The following SEM1 variants were observed in gnomAD, a reference collection of about 807,000 sequenced individuals.
The protein encoded by SEM1 is 26S proteasome complex subunit SEM1.
SEM1 carries 3 observed loss-of-function variants against 12.7 expected under a neutral mutation model. The observed-to-expected ratio is 0.24, with a 90% CI of 0.11 to 0.61. The LOEUF (loss-of-function observed/expected upper bound fraction) is 0.61. SEM1 is among the 20% of genes least tolerant of loss of function. SEM1 has a pLI of 0.88. For synonymous variants in SEM1, 30 were observed against 27.8 expected (o/e 1.08, Z -0.25); for missense variants, 59 against 81.3 (o/e 0.73, Z 1.06).
chr7:96,671,400 A>G (rs1013841544), downstream of SEM1, among the ~76,000 whole-genome samples: 1 of 152,168 alleles, frequency 6.6e-6, no homozygotes, highest in Non-Finnish European at 1.5e-5. Flanking sequence ...TTTAACTGAC[A>G]TTTATGAAGA....
chr7:96,539,017 T>G (rs1487403968), intron 2 of SEM1, among the ~76,000 whole-genome samples: 1 of 151,840 alleles, frequency 6.6e-6, no homozygotes, highest in East Asian at 1.9e-4. Context: ...GACTGTGGTT[T>G]CCTTCATGTT....
At chr7:96,556,191 T>C (rs1805490949) in intron 2 of SEM1, among the ~76,000 whole-genome samples, 1 of 151,986 alleles carries the variant, frequency 6.6e-6, no homozygotes, top group South Asian at 2.1e-4. Flanking sequence ...TCCATTTACA[T>C]TTAAAGTTAA....
intron 2 of SEM1, among the ~76,000 whole-genome samples, chr7:96,638,437 T>C (rs1808494860): frequency 6.6e-6 from 1 of 152,056 alleles, no homozygotes; most frequent in Non-Finnish European, 1.5e-5. Flanking sequence ...GGGCAATCTT[T>C]GCTTTTTAAA....
At chr7:96,553,468 T>G (rs550437020) in intron 2 of SEM1, among the ~76,000 whole-genome samples, 1,753 of 150,176 alleles carry the variant, frequency 0.012, 38 homozygotes, top group African/African-American at 0.04. Flanking sequence ...TCCCCATTGC[T>G]TGTTTTTCTC....
intron 2 of SEM1, among the ~76,000 whole-genome samples, chr7:96,667,914 C>T (rs531034295): frequency 6.6e-6 from 1 of 152,328 alleles, no homozygotes; most frequent in African/African-American, 2.4e-5. Context: ...TCTTTATCTG[C>T]CATGTCTCTA....
intron 2 of SEM1, among the ~76,000 whole-genome samples, chr7:96,595,793 C>G (rs1186439534): frequency 6.6e-6 from 1 of 152,040 alleles, no homozygotes; most frequent in Non-Finnish European, 1.5e-5. Flanking sequence ...AGACTTTCCC[C>G]CTAACTTGTA....
At position 96,486,331 on chromosome 7, in the gene SEM1, T is replaced by C. The variant is rs370269404; in HGVS notation, c.99A>G (p.Ile33Met). 34 of 1,537,006 alleles carry C rather than the reference T, an allele frequency of 2.2e-5. No homozygotes were observed. The African/African-American group carries it at 4.5e-4, about 20-fold the overall frequency. The change falls in exon 2 of 4, where the codon ATA becomes ATG. Residue 33 changes from isoleucine (I) to methionine (M), a missense_variant. Coordinates refer to the SEM1 transcript ENST00000356686. ...CTCTGGCCCGCTGAGCTGGGCTTCT[T>C]ATGCTGGGTCTCCTCCCCCTTTTTA... is the stretch of plus-strand genomic sequence containing the variant.
At chr7:96,512,892 A>T (rs557394888) in intron 2 of SEM1, among the ~76,000 whole-genome samples, 15 of 152,148 alleles carry the variant, frequency 9.9e-5, no homozygotes, top group Non-Finnish European at 1.9e-4. Context: ...GGAGGCAAAG[A>T]AGTTGATGTA....
intron 2 of SEM1, among the ~76,000 whole-genome samples, chr7:96,665,003 C>T (rs907956589): frequency 6.6e-6 from 1 of 152,162 alleles, no homozygotes; most frequent in Non-Finnish European, 1.5e-5. Flanking sequence ...CAACCCACTT[C>T]CCCTTTAGTT....
At chr7:96,596,593 C>T (rs141723755) in intron 2 of SEM1, among the ~76,000 whole-genome samples, 2 of 152,200 alleles carry the variant, frequency 1.3e-5, no homozygotes, top group East Asian at 3.9e-4. Context: ...AAGTGGTTAC[C>T]CGACTTAAAA....
chr7:96,613,796 T>C (rs1418989199), intron 2 of SEM1, among the ~76,000 whole-genome samples: 1 of 152,278 alleles, frequency 6.6e-6, no homozygotes, highest in Non-Finnish European at 1.5e-5. Flanking sequence ...TGTCATACAC[T>C]ATTTGTCTCA....
chr7:96,671,279 A>G (rs1789309743), downstream of SEM1, among the ~76,000 whole-genome samples: 1 of 152,136 alleles, frequency 6.6e-6, no homozygotes, highest in Non-Finnish European at 1.5e-5. Context: ...TTTTGGTGAC[A>G]TTTTTTCAGT....
intron 2 of SEM1, among the ~76,000 whole-genome samples, chr7:96,584,739 C>T (rs1333181719): frequency 6.6e-6 from 1 of 152,096 alleles, no homozygotes; most frequent in Non-Finnish European, 1.5e-5. Flanking sequence ...CGGTGATACC[C>T]TTTCTTCCAG....
At chr7:96,669,593 T>C (rs954663327), downstream of SEM1, among the ~76,000 whole-genome samples, 7 of 152,180 alleles carry the variant, frequency 4.6e-5, no homozygotes, top group Non-Finnish European at 7.3e-5. Flanking sequence ...GCTGATAACA[T>C]AAAGTTGGCC....
At chr7:96,707,700 T>A (rs1790512373) in intron 1 of SEM1, among the ~76,000 whole-genome samples, 1 of 152,202 alleles carries the variant, frequency 6.6e-6, no homozygotes, top group African/African-American at 2.4e-5. Context: ...GAAAAATTGC[T>A]GCTCACATAT....
At chr7:96,557,503 G>A (rs570460423) in intron 2 of SEM1, among the ~76,000 whole-genome samples, 12 of 93,474 alleles carry the variant, frequency 1.3e-4, no homozygotes, top group South Asian at 8.7e-4. Flanking sequence ...TAGGCTGCTC[G>A]GGGGTCAGGG....
At chr7:96,490,814 C>A (rs1392154128) in intron 1 of SEM1, among the ~76,000 whole-genome samples, 1 of 151,804 alleles carries the variant, frequency 6.6e-6, no homozygotes, top group South Asian at 2.1e-4. Flanking sequence ...TCAAAATTGT[C>A]CAGATGGCTT....
intron 2 of SEM1, among the ~76,000 whole-genome samples, chr7:96,692,832 T>C (rs1371791048): frequency 6.6e-6 from 1 of 151,974 alleles, no homozygotes; most frequent in Non-Finnish European, 1.5e-5. Flanking sequence ...TAAGACAAAA[T>C]TGAAAACTAA....
Position 96,614,892 on chromosome 7 carries a change from G to A in SEM1, c.170+79906C>T, listed in dbSNP as rs548077796. On this transcript the variant is annotated intron_variant and NMD_transcript_variant, in intron 2 of 3. Coordinates refer to the SEM1 transcript ENST00000466986. ...GACAATTGCTTTGTTTGGAGAGGAG[G>A]AGAGTTTATAGTATAAGGTCACAAT... 2.4e-4 allele frequency among the ~76,000 whole-genome samples: 36 copies of A among 152,316 alleles called. No homozygotes were observed. In the East Asian group the frequency reaches 6.2e-3, roughly 26 times the overall value.
Sources: gnomAD v4.1 joint callset for allele counts (sites outside exome capture counted in the v4.1 genomes callset) on GRCh38, gnomAD v4.1.1 for gene constraint, MANE v1.5 for transcripts, NCBI Gene and HGNC (gene_info 2026-07-23, HGNC 2026-07-21) for gene names.